MAP3K1: variants seen among roughly 807,000 people sequenced by gnomAD.
MAP3K1 encodes MAP/ERK kinase kinase 1.
Under a neutral mutation model 144.2 loss-of-function variants are expected in MAP3K1, and 36 were observed. That is an observed-to-expected ratio of 0.25 (90% CI 0.19 to 0.33). The LOEUF is 0.33. Ranked by LOEUF, MAP3K1 falls within the 10% of genes least tolerant of loss-of-function variation. The probability of loss-of-function intolerance (pLI) is 1.00; values close to 1 mark genes in which losing one functional copy is unlikely to be tolerated. For missense variants in MAP3K1, 1,650 were observed against 1,881.9 expected (o/e 0.88, Z 2.28); for synonymous variants, 718 against 688.7 (o/e 1.04, Z -0.67).
intron 2 of MAP3K1, 68 bp downstream of exon 2, chr5:56,856,818 T>C (rs1747358117): frequency 6.7e-7 from 1 of 1,498,130 alleles, no homozygotes; most frequent in Non-Finnish European, 9.3e-7. Flanking sequence ...TAAGCATAAA[T>C]AGATCCTCTT....
Position 56,879,202 on chromosome 5 carries a change from G to A in MAP3K1, c.2087+101G>A, listed in dbSNP as rs983659673. The stretch of plus-strand genomic sequence containing the variant: ...GAATATCTGATACATTTTATTAAAT[G>A]AGTCTTTGAACATTGTCTTTTAATG... On this transcript the variant is annotated intron_variant, in intron 11 of 19. Transcript: ENST00000399503. The A allele has an allele frequency of 2.8e-5, 38 of 1,375,918 alleles. No homozygotes were observed. In the Middle Eastern group the frequency reaches 1.1e-3, roughly 39 times the overall value. 85.2% of individuals were successfully genotyped at this position (1,375,918 alleles called of 1,614,324 possible).
chr5:56,831,461 AT>A (rs937989374), intron 1 of MAP3K1, among the ~76,000 whole-genome samples: 3 of 151,196 alleles, frequency 2.0e-5, no homozygotes, highest in Non-Finnish European at 3.0e-5. Context: ...CCTAGCCCTA[AT>A]TTTTTTTTAA....
chr5:56,869,078 G>A (rs1747771395), intron 6 of MAP3K1, among the ~76,000 whole-genome samples: 1 of 150,654 alleles, frequency 6.6e-6, no homozygotes, highest in South Asian at 2.1e-4. Context: ...GTGTGACCCT[G>A]TCTGTACCAA....
At chr5:56,866,042 T>A in intron 6 of MAP3K1, 65 bp downstream of exon 6, 1 of 1,205,156 alleles carries the variant, frequency 8.3e-7, no homozygotes, top group Non-Finnish European at 1.2e-6. Flanking sequence ...GGGTAATTTT[T>A]TATATCTACT....
intron 1 of MAP3K1, among the ~76,000 whole-genome samples, chr5:56,828,515 T>C (rs1168496135): frequency 6.6e-6 from 1 of 152,074 alleles, no homozygotes; most frequent in Non-Finnish European, 1.5e-5. Flanking sequence ...TAAAGAGAAA[T>C]GCAAATGAAA....
chr5:56,831,674 T>A (rs930798230), intron 1 of MAP3K1, among the ~76,000 whole-genome samples: 1 of 152,240 alleles, frequency 6.6e-6, no homozygotes, highest in African/African-American at 2.4e-5. Context: ...AAGGTACTTA[T>A]GATTGCTTAT....
At chr5:56,873,179 T>C (rs981669025) in intron 9 of MAP3K1, among the ~76,000 whole-genome samples, 174 bp downstream of exon 9, 3 of 152,218 alleles carry the variant, frequency 2.0e-5, no homozygotes, top group African/African-American at 7.2e-5. Flanking sequence ...CTATACTGCT[T>C]ATTGTACAGC....
At chr5:56,877,710 G>A (rs919206820) in intron 10 of MAP3K1, among the ~76,000 whole-genome samples, 2 of 152,046 alleles carry the variant, frequency 1.3e-5, no homozygotes, top group African/African-American at 4.8e-5. Context: ...GCCCAACAGT[G>A]CCCTTCATAG....
At chr5:56,848,631 T>TCA (rs1747070861) in intron 1 of MAP3K1, among the ~76,000 whole-genome samples, 1 of 152,212 alleles carries the variant, frequency 6.6e-6, no homozygotes, top group Admixed American at 6.5e-5. Flanking sequence ...TTGGTTAATT[T>TCA]TATATATATT....
intron 1 of MAP3K1, among the ~76,000 whole-genome samples, chr5:56,819,824 A>G (rs1368145588): frequency 1.3e-5 from 2 of 152,210 alleles, no homozygotes; most frequent in Non-Finnish European, 2.9e-5. Context: ...CTCTTTCTAT[A>G]TCCTAAGTTA....
Position 56,884,711 on chromosome 5 carries a change from A to G in MAP3K1, c.3867A>G (p.Glu1289=). Reference sequence around the variant, plus strand: ...CTTCTGAGCAAGAAGAAGTAGTAGAAGCACTAAGAGAAGAGATAAGAATGA... The same window carrying G: ...CTTCTGAGCAAGAAGAAGTAGTAGAGGCACTAAGAGAAGAGATAAGAATGA... ...NTSSEQEEVV[E]ALREEIRMMS... The change falls in exon 16 of 20, where the codon GAA becomes GAG. Residue 1289 remains glutamate, a synonymous_variant. Transcript: ENST00000399503. The G allele has an allele frequency of 6.2e-7, 1 of 1,613,866 alleles. No homozygotes were observed.
At chr5:56,852,239 G>A (rs1449527478) in intron 1 of MAP3K1, among the ~76,000 whole-genome samples, 1 of 152,172 alleles carries the variant, frequency 6.6e-6, no homozygotes, top group African/African-American at 2.4e-5. Flanking sequence ...ATTAGACATA[G>A]AACCAGGAGA....
rs1746500790 is a variant in MAP3K1 at position 56,831,737 on chromosome 5, C to CA, written c.482+15683dup. ...TTCCATGAGAATTCTTTTTTGACCT[C>CA]ACAAGAGTTAAGGAGACCTACTTTA... is the stretch of plus-strand genomic sequence containing the variant. On this transcript the variant is annotated intron_variant, in intron 1 of 19. Coordinates refer to ENST00000399503, the MANE Select transcript of MAP3K1 (RefSeq NM_005921.2). Among the ~76,000 whole-genome samples, 3 of 152,102 alleles carry CA rather than the reference C, an allele frequency of 2.0e-5. 1 individual carries two copies. The South Asian group carries it at 6.2e-4, about 32-fold the overall frequency.
At chr5:56,823,412 C>T (rs990940972) in intron 1 of MAP3K1, among the ~76,000 whole-genome samples, 1 of 152,210 alleles carries the variant, frequency 6.6e-6, no homozygotes, top group African/African-American at 2.4e-5. Flanking sequence ...GAAGCTTTCC[C>T]TCATCCACCC....
At chr5:56,826,588 A>G (rs1477501743) in intron 1 of MAP3K1, among the ~76,000 whole-genome samples, 2 of 152,250 alleles carry the variant, frequency 1.3e-5, no homozygotes, top group Non-Finnish European at 2.9e-5. Context: ...TACTTCAAGC[A>G]GAGAGCTTGA....
At chr5:56,829,601 TG>T (rs1746428420) in intron 1 of MAP3K1, among the ~76,000 whole-genome samples, 1 of 152,210 alleles carries the variant, frequency 6.6e-6, no homozygotes, top group Non-Finnish European at 1.5e-5. Context: ...AAAGAATGCT[TG>T]ATCCTTCCTG....
chr5:56,873,089 A>G, intron 9 of MAP3K1, 84 bp downstream of exon 9: 1 of 1,328,140 alleles, frequency 7.5e-7, no homozygotes, highest in Non-Finnish European at 1.1e-6. Flanking sequence ...AGTTGTTCAT[A>G]ATTTAAAAAA....
chr5:56,888,500 T>C, intron 19 of MAP3K1, 143 bp downstream of exon 19: 1 of 783,538 alleles, frequency 1.3e-6, no homozygotes, highest in East Asian at 2.7e-5. Flanking sequence ...GAGGATTTGA[T>C]ATACAAGTTT....
chr5:56,843,150 G>C (rs989616227), intron 1 of MAP3K1, among the ~76,000 whole-genome samples: 2 of 152,166 alleles, frequency 1.3e-5, no homozygotes, highest in Non-Finnish European at 2.9e-5. Flanking sequence ...TCGTTTGGGT[G>C]GCTGTTGCTC....
Sources: allele counts gnomAD v4.1 joint callset (sites outside exome capture counted in the v4.1 genomes callset), GRCh38; gene constraint gnomAD v4.1.1; transcripts MANE v1.5; gene names NCBI Gene and HGNC (gene_info 2026-07-23, HGNC 2026-07-21).